The following TAS2R1 variants were observed in gnomAD, a reference collection of about 807,000 sequenced individuals.
The protein encoded by TAS2R1 is taste 2 receptor member 1, also known as taste receptor type 2 member 1.
For missense variants in TAS2R1, 370 were observed against 353.4 expected, an observed-to-expected ratio of 1.05 and a Z score of -0.38; for synonymous variants, 141 against 134.2, an observed-to-expected ratio of 1.05 and a Z score of -0.35.
the TAS2R1 span, among the ~76,000 whole-genome samples, chr5:9,832,476 T>C: frequency 4.6e-5 from 7 of 152,224 alleles, no homozygotes; most frequent in African/African-American, 1.7e-4. Context: ...TCCGCCATCT[T>C]CTGCTCCCAG....
chr5:9,895,878 T>C, the TAS2R1 span, among the ~76,000 whole-genome samples: 7 of 152,368 alleles, frequency 4.6e-5, no homozygotes, highest in Admixed American at 3.3e-4. Context: ...AAGAAGCCAT[T>C]GCTTTGTAAA....
chr5:9,850,913 G>A, the TAS2R1 span, among the ~76,000 whole-genome samples: 4 of 152,208 alleles, frequency 2.6e-5, no homozygotes, highest in Admixed American at 2.0e-4. Context: ...CCCAGACCTG[G>A]AGTGGGAGGG....
At chr5:9,633,951 G>T (rs562476895), upstream of TAS2R1, among the ~76,000 whole-genome samples, 7 of 151,952 alleles carry the variant, frequency 4.6e-5, no homozygotes, top group Admixed American at 3.3e-4. Context: ...GTTTAATTAG[G>T]TCCCATCTAT....
At chr5:9,774,718 A>G in the TAS2R1 span, among the ~76,000 whole-genome samples, 1 of 152,250 alleles carries the variant, frequency 6.6e-6, no homozygotes, top group Non-Finnish European at 1.5e-5. Flanking sequence ...GGTCTTGGAT[A>G]AGATCCAGAA....
At chr5:9,702,134 T>C (rs1741501645) in intron 1 of TAS2R1, among the ~76,000 whole-genome samples, 1 of 152,218 alleles carries the variant, frequency 6.6e-6, no homozygotes, top group South Asian at 2.1e-4. Flanking sequence ...CCTTAAACCT[T>C]GGAATACTCT....
the TAS2R1 span, among the ~76,000 whole-genome samples, chr5:9,744,249 T>C: frequency 6.6e-6 from 1 of 152,226 alleles, no homozygotes; most frequent in East Asian, 1.9e-4. Context: ...TTTTTGTTTG[T>C]GTATACATTT....
At chr5:9,730,747 C>T in the TAS2R1 span, among the ~76,000 whole-genome samples, 2 of 152,146 alleles carry the variant, frequency 1.3e-5, no homozygotes, top group East Asian at 1.9e-4. Context: ...TATACTGTAG[C>T]TCCCATAATT....
the TAS2R1 span, among the ~76,000 whole-genome samples, chr5:9,738,659 G>A: frequency 1.3e-5 from 2 of 152,102 alleles, no homozygotes; most frequent in East Asian, 3.9e-4. Flanking sequence ...TTCATGCTAC[G>A]GTAGTGATGG....
chr5:9,637,444 T>C (rs1403914547), intron 2 of TAS2R1, among the ~76,000 whole-genome samples: 1 of 152,226 alleles, frequency 6.6e-6, no homozygotes, highest in Non-Finnish European at 1.5e-5. Context: ...CCAGGTTTTC[T>C]TTGAGCTTCC....
At chr5:9,863,620 T>C in the TAS2R1 span, among the ~76,000 whole-genome samples, 3 of 152,320 alleles carry the variant, frequency 2.0e-5, 1 homozygote, top group African/African-American at 7.2e-5. Context: ...TTCCTAATGC[T>C]GGAACCTAAC....
chr5:9,895,069 C>T, the TAS2R1 span, among the ~76,000 whole-genome samples: 14,062 of 152,180 alleles, frequency 0.092, 650 homozygotes, highest in Non-Finnish European at 0.096. Flanking sequence ...TCTGAGTAGC[C>T]CAGTGCAGCA....
chr5:9,802,695 G>A, the TAS2R1 span, among the ~76,000 whole-genome samples: 1 of 152,156 alleles, frequency 6.6e-6, no homozygotes, highest in Non-Finnish European at 1.5e-5. Flanking sequence ...AAGATCAGGA[G>A]ATTGAGACCA....
chr5:9,844,227 T>C, the TAS2R1 span, among the ~76,000 whole-genome samples: 1 of 152,300 alleles, frequency 6.6e-6, no homozygotes, highest in South Asian at 2.1e-4. Context: ...TTTTCTATTA[T>C]ATTAGCCTCT....
At chr5:9,721,804 T>C in the TAS2R1 span, among the ~76,000 whole-genome samples, 4 of 152,218 alleles carry the variant, frequency 2.6e-5, no homozygotes, top group Non-Finnish European at 5.9e-5. Context: ...ATATTTCATT[T>C]CAATAAAATT....
At chr5:9,656,605 G>A (rs576672843) in intron 2 of TAS2R1, among the ~76,000 whole-genome samples, 14 of 152,280 alleles carry the variant, frequency 9.2e-5, no homozygotes, top group Admixed American at 2.0e-4. Flanking sequence ...GCCCAGCCAC[G>A]TTGGAGAGGG....
the TAS2R1 span, among the ~76,000 whole-genome samples, chr5:9,719,925 A>AC: frequency 2.9e-5 from 4 of 136,738 alleles, no homozygotes; most frequent in African/African-American, 5.6e-5. Flanking sequence ...ATTCAAAAAA[A>AC]AAAAAAAAAA....
the TAS2R1 span, among the ~76,000 whole-genome samples, chr5:9,826,987 C>A: frequency 6.6e-6 from 1 of 152,136 alleles, no homozygotes; most frequent in Non-Finnish European, 1.5e-5. Flanking sequence ...TTTAATCTAC[C>A]CTTTTAGCTC....
chr5:9,895,894 T>C, the TAS2R1 span, among the ~76,000 whole-genome samples: 3 of 152,242 alleles, frequency 2.0e-5, no homozygotes, highest in Non-Finnish European at 4.4e-5. Context: ...GTAAAGCTGA[T>C]ATGAACGCAT....
chr5:9,694,507 A>G (rs1476005955), intron 1 of TAS2R1, among the ~76,000 whole-genome samples: 1 of 152,226 alleles, frequency 6.6e-6, no homozygotes, highest in Non-Finnish European at 1.5e-5. Context: ...CAATCATTTT[A>G]ATAGGTGCCA....
Sources: allele counts gnomAD v4.1 joint callset (sites outside exome capture counted in the v4.1 genomes callset), GRCh38; gene constraint gnomAD v4.1.1; transcripts MANE v1.5; gene names NCBI Gene and HGNC (gene_info 2026-07-23, HGNC 2026-07-21).